LYPD6: variants seen among roughly 807,000 people sequenced by gnomAD.
The protein encoded by LYPD6 is LY6/PLAUR domain containing 6, also known as ly6/PLAUR domain-containing protein 6.
Under a neutral mutation model 22.7 loss-of-function variants are expected in LYPD6, and 15 were observed. The observed-to-expected ratio is 0.66, with a 90% CI of 0.44 to 1.02. The LOEUF (loss-of-function observed/expected upper bound fraction) is 1.02. Ranked by LOEUF, LYPD6 falls within the 50% of genes least tolerant of loss-of-function variation. LYPD6 has a pLI of 0.00. For missense variants in LYPD6, 189 were observed against 208.4 expected (o/e 0.91, Z 0.57); for synonymous variants, 72 against 77.5 (o/e 0.93, Z 0.37).
At chr2:149,386,284 C>G (rs556448991) in intron 1 of LYPD6, among the ~76,000 whole-genome samples, 2 of 152,186 alleles carry the variant, frequency 1.3e-5, no homozygotes, top group Non-Finnish European at 2.9e-5. Flanking sequence ...GCTGCCTGAG[C>G]ATTTCTTCCT....
chr2:149,391,661 C>T (rs1682312822), intron 1 of LYPD6, among the ~76,000 whole-genome samples: 1 of 152,144 alleles, frequency 6.6e-6, no homozygotes, highest in Non-Finnish European at 1.5e-5. Flanking sequence ...CAGTGGTACA[C>T]TTAGGGGCCA....
At chr2:149,413,382 T>C (rs1682893856) in intron 1 of LYPD6, among the ~76,000 whole-genome samples, 1 of 152,198 alleles carries the variant, frequency 6.6e-6, no homozygotes, top group Admixed American at 6.5e-5. Flanking sequence ...TTTTCTCATG[T>C]GTAAAGAAAA....
At chr2:149,331,458 G>A (rs545731698) in intron 1 of LYPD6, among the ~76,000 whole-genome samples, 51 of 152,190 alleles carry the variant, frequency 3.4e-4, no homozygotes, top group African/African-American at 1.2e-3. Context: ...TATCTCTACC[G>A]CTGCCCTCCT....
chr2:149,405,036 T>G (rs976426678), intron 1 of LYPD6, among the ~76,000 whole-genome samples: 1 of 152,224 alleles, frequency 6.6e-6, no homozygotes, highest in Non-Finnish European at 1.5e-5. Context: ...TGGATTACAT[T>G]TATTAATTTG....
In LYPD6 at chr2:149,470,984, T is replaced by G; in HGVS notation, c.*134T>G. 1.3e-6 allele frequency: 1 copy of G among 759,312 alleles called. No individual in the cohort carries two copies. The highest frequency in any genetic ancestry group is 2.1e-6 in the Non-Finnish European group (1 of 471,728). The allele number at this position is 759,312 out of a possible 1,614,324, so 47.0% of individuals were successfully genotyped here. A position where few individuals can be genotyped will look rare whatever the true frequency, so the allele number is the denominator to read the frequency against. On this transcript the variant is annotated 3_prime_UTR_variant, in exon 5 of 5. Transcript: ENST00000334166. ...CTTGGAGGTCATCACAGCCAAGCATTGCCACTTACCATGAGGAATAAATGT... is the reference window on the plus strand; with the variant it reads ...CTTGGAGGTCATCACAGCCAAGCATGGCCACTTACCATGAGGAATAAATGT...
intron 1 of LYPD6, among the ~76,000 whole-genome samples, chr2:149,419,978 A>G (rs1168528280): frequency 1.3e-5 from 2 of 152,336 alleles, no homozygotes; most frequent in Non-Finnish European, 1.5e-5. Flanking sequence ...TGAATGTATC[A>G]TTAGCTTTCC....
intron 1 of LYPD6, among the ~76,000 whole-genome samples, chr2:149,396,826 T>G (rs1682437534): frequency 6.6e-6 from 1 of 152,200 alleles, no homozygotes. Flanking sequence ...AGTTAATATA[T>G]GCATTCTGGT....
intron 1 of LYPD6, 55 bp from the exon 2 acceptor site, chr2:149,437,583 C>G: frequency 6.7e-7 from 1 of 1,494,090 alleles, no homozygotes; most frequent in Non-Finnish European, 9.0e-7. Context: ...CTCAGCCAAG[C>G]CTCCTGTGGC....
intron 1 of LYPD6, among the ~76,000 whole-genome samples, chr2:149,354,715 G>A (rs1398681243): frequency 6.6e-6 from 1 of 152,128 alleles, no homozygotes; most frequent in Non-Finnish European, 1.5e-5. Context: ...AGCATAAGGG[G>A]GCTTGGAATG....
intron 1 of LYPD6, among the ~76,000 whole-genome samples, chr2:149,388,587 A>G (rs920016720): frequency 6.6e-6 from 1 of 151,954 alleles, no homozygotes; most frequent in African/African-American, 2.4e-5. Flanking sequence ...GGTGTTAGTT[A>G]ATGCTTGTGG....
chr2:149,440,662 A>C (rs16826987), intron 2 of LYPD6, among the ~76,000 whole-genome samples: 40,740 of 145,310 alleles, frequency 0.28, 6,999 homozygotes, highest in African/African-American at 0.5. Context: ...AATGGCTCCT[A>C]CTTGGCCAGA....
intron 1 of LYPD6, among the ~76,000 whole-genome samples, chr2:149,414,921 C>T (rs994371179): frequency 2.0e-5 from 3 of 152,148 alleles, no homozygotes; most frequent in African/African-American, 7.2e-5. Context: ...TGCGTTTGTC[C>T]TCCTGTTACG....
chr2:149,353,283 A>G (rs1315045610), intron 1 of LYPD6, among the ~76,000 whole-genome samples: 1 of 152,194 alleles, frequency 6.6e-6, no homozygotes, highest in Non-Finnish European at 1.5e-5. Context: ...ATTTATTTAT[A>G]TATTCTGCTT....
intron 1 of LYPD6, among the ~76,000 whole-genome samples, chr2:149,353,432 G>A (rs141871121): frequency 1.5e-3 from 234 of 152,252 alleles, no homozygotes; most frequent in Middle Eastern, 6.8e-3. Context: ...TAAGGCTTCT[G>A]CAAGCCTTTA....
intron 1 of LYPD6, among the ~76,000 whole-genome samples, chr2:149,428,197 TAA>T (rs1449399651): frequency 1.3e-5 from 2 of 152,318 alleles, no homozygotes; most frequent in African/African-American, 4.8e-5. Context: ...AATATTAATG[TAA>T]AAAGCATATT....
chr2:149,458,427 C>T (rs183609388), intron 3 of LYPD6, among the ~76,000 whole-genome samples: 27 of 152,256 alleles, frequency 1.8e-4, no homozygotes, highest in East Asian at 1.4e-3. Flanking sequence ...CATCCCATGG[C>T]ATTAGTAGAG....
At chr2:149,448,519 A>G (rs1328897603) in intron 2 of LYPD6, among the ~76,000 whole-genome samples, 1 of 151,830 alleles carries the variant, frequency 6.6e-6, no homozygotes, top group Non-Finnish European at 1.5e-5. Context: ...CTGGCCTCAA[A>G]CCCACCTCTC....
intron 1 of LYPD6, among the ~76,000 whole-genome samples, chr2:149,391,986 T>C (rs1682320894): frequency 6.6e-6 from 1 of 152,068 alleles, no homozygotes; most frequent in Admixed American, 6.5e-5. Context: ...ACAACAGACA[T>C]TTATTTTCCC....
intron 1 of LYPD6, among the ~76,000 whole-genome samples, chr2:149,335,504 A>G (rs1681018361): frequency 3.3e-5 from 5 of 152,232 alleles, no homozygotes; most frequent in Admixed American, 2.0e-4. Flanking sequence ...AAAAGTTTGT[A>G]AAATAAAAAA....
Sources: gnomAD v4.1 joint callset for allele counts (sites outside exome capture counted in the v4.1 genomes callset) on GRCh38, gnomAD v4.1.1 for gene constraint, MANE v1.5 for transcripts, NCBI Gene and HGNC (gene_info 2026-07-23, HGNC 2026-07-21) for gene names.